The following CRTC1 variants were observed in gnomAD, a reference collection of about 807,000 sequenced individuals.
CRTC1 encodes CREB-regulated transcription coactivator 1.
In CRTC1, 18 loss-of-function variants were observed where a neutral mutation model predicts 66.1. The observed-to-expected ratio is 0.27, with a 90% CI of 0.19 to 0.40. The LOEUF (loss-of-function observed/expected upper bound fraction) is 0.40. Ranked by LOEUF, CRTC1 falls within the 10% of genes least tolerant of loss-of-function variation. CRTC1 has a pLI of 1.00. For synonymous variants in CRTC1, 416 were observed against 398.8 expected (o/e 1.04, Z -0.51); for missense variants, 669 against 887.9 (o/e 0.75, Z 3.13).
intron 8 of CRTC1, among the ~76,000 whole-genome samples, chr19:18,762,299 G>A (rs372534253): frequency 1.3e-5 from 2 of 152,232 alleles, no homozygotes; most frequent in South Asian, 2.1e-4. Context: ...TGGAGCCGGC[G>A]CTGGCCAGAG....
intron 6 of CRTC1, among the ~76,000 whole-genome samples, chr19:18,756,358 C>G (rs891821132): frequency 1.7e-5 from 2 of 117,396 alleles, no homozygotes; most frequent in African/African-American, 6.7e-5. Flanking sequence ...AAAAAAAACT[C>G]TAGGCTGGAC....
chr19:18,692,793 G>A (rs549302462), intron 1 of CRTC1, among the ~76,000 whole-genome samples: 1 of 151,894 alleles, frequency 6.6e-6, no homozygotes, highest in African/African-American at 2.4e-5. Flanking sequence ...TCATTTTTCT[G>A]GGCCGGGCAC....
chr19:18,780,004 T>A lies in CRTC1; in HGVS notation c.*2622T>A, dbSNP rs530647831. 1.1e-4 allele frequency: 25 copies of A among 229,180 alleles called. 1 individual carries two copies. The highest frequency in any genetic ancestry group is 4.9e-4 in the African/African-American group (22 of 45,146). The allele number at this position is 229,180 out of a possible 1,614,324, so 14.2% of individuals were successfully genotyped here. On this transcript the variant is annotated 3_prime_UTR_variant, in exon 14 of 14. Coordinates refer to ENST00000321949, the MANE Select transcript of CRTC1 (RefSeq NM_015321.3). ...TGTGTGTGCGTACGTGTGGTTTTTT[T>A]AAATATCACTACTACATATTCTTGA...
In CRTC1 at chr19:18,779,026, A is replaced by C. The variant is rs552405513; in HGVS notation, c.*1644A>C. Reference sequence around the variant, plus strand: ...TTGGGAGCTGTCCTGGACCCTCCCCATACCACGGGCCCTGCAAGGGAGGCA... The same window carrying C: ...TTGGGAGCTGTCCTGGACCCTCCCCCTACCACGGGCCCTGCAAGGGAGGCA... On this transcript the variant is annotated 3_prime_UTR_variant, in exon 14 of 14. Transcript: ENST00000321949. 8.6e-6 allele frequency: 2 copies of C among 232,342 alleles called. No individual in the cohort carries two copies. The highest frequency in any genetic ancestry group is 4.4e-5 in the African/African-American group (2 of 45,376). The allele number at this position is 232,342 out of a possible 1,614,324, so 14.4% of individuals were successfully genotyped here. A position where few individuals can be genotyped will look rare whatever the true frequency, so the allele number is the denominator to read the frequency against.
intron 6 of CRTC1, among the ~76,000 whole-genome samples, chr19:18,754,380 A>G (rs2054439312): frequency 6.6e-6 from 1 of 152,076 alleles, no homozygotes; most frequent in Admixed American, 6.6e-5. Flanking sequence ...AGGGGTGGTG[A>G]TGTGTACCTG....
intron 10 of CRTC1, among the ~76,000 whole-genome samples, chr19:18,769,442 A>G (rs550683745): frequency 3.2e-4 from 49 of 152,342 alleles, no homozygotes; most frequent in African/African-American, 1.1e-3. Context: ...TCCGGGCACA[A>G]TGAGTCCTCC....
At chr19:18,687,719 T>C (rs2052718191) in intron 1 of CRTC1, among the ~76,000 whole-genome samples, 1 of 152,040 alleles carries the variant, frequency 6.6e-6, no homozygotes, top group South Asian at 2.1e-4. Flanking sequence ...TTGCCGGTGG[T>C]GATGGCACCT....
At chr19:18,698,890 G>A (rs981258938) in intron 1 of CRTC1, among the ~76,000 whole-genome samples, 3 of 151,718 alleles carry the variant, frequency 2.0e-5, no homozygotes, top group African/African-American at 7.3e-5. Context: ...TAGGCGCAGT[G>A]TGTGCTCTGC....
chr19:18,759,507 C>T (rs1555786591), intron 6 of CRTC1, 44 bp from the exon 7 acceptor site: 12 of 1,601,688 alleles, frequency 7.5e-6, no homozygotes, highest in South Asian at 1.1e-5. Context: ...GAGGGCCCCA[C>T]AGGGTGTGCC....
chr19:18,763,849 G>A (rs1323771816), intron 8 of CRTC1, among the ~76,000 whole-genome samples: 5 of 152,146 alleles, frequency 3.3e-5, no homozygotes, highest in African/African-American at 2.4e-5. Flanking sequence ...AGCATCTCTC[G>A]GCCTGCTGGA....
intron 1 of CRTC1, among the ~76,000 whole-genome samples, chr19:18,734,904 C>T (rs1402743505): frequency 6.6e-6 from 1 of 152,170 alleles, no homozygotes; most frequent in African/African-American, 2.4e-5. Flanking sequence ...CAGCAGCTCC[C>T]ACATTCCCTG....
chr19:18,763,744 C>T (rs947959212), intron 8 of CRTC1, among the ~76,000 whole-genome samples: 2 of 152,234 alleles, frequency 1.3e-5, no homozygotes, highest in Non-Finnish European at 2.9e-5. Flanking sequence ...CAGGCCCCAC[C>T]CGCCCCTGTC....
At chr19:18,743,820 C>T (rs369655041) in intron 2 of CRTC1, among the ~76,000 whole-genome samples, 2 of 152,346 alleles carry the variant, frequency 1.3e-5, no homozygotes, top group South Asian at 2.1e-4. Flanking sequence ...ATACAGAGTG[C>T]GGGCCATCAC....
intron 12 of CRTC1, 115 bp downstream of exon 12, chr19:18,775,101 C>T: frequency 9.7e-7 from 1 of 1,030,960 alleles, no homozygotes; most frequent in Non-Finnish European, 1.4e-6. Flanking sequence ...GGGGCCCGTG[C>T]CTGCCCCTCA....
intron 13 of CRTC1, among the ~76,000 whole-genome samples, chr19:18,776,869 G>A (rs140830454): frequency 1.3e-5 from 2 of 152,116 alleles, no homozygotes; most frequent in Non-Finnish European, 2.9e-5. Flanking sequence ...CCCTGCCCTC[G>A]CCAGGTCATG....
intron 9 of CRTC1, among the ~76,000 whole-genome samples, chr19:18,767,738 C>T (rs2054768718): frequency 6.6e-6 from 1 of 152,228 alleles, no homozygotes; most frequent in African/African-American, 2.4e-5. Flanking sequence ...CTTAATCTGA[C>T]ACCTGCCCCT....
intron 13 of CRTC1, among the ~76,000 whole-genome samples, chr19:18,776,307 C>T (rs1370803860): frequency 6.6e-6 from 1 of 152,204 alleles, no homozygotes; most frequent in Non-Finnish European, 1.5e-5. Context: ...GCCTGGGCTC[C>T]TGGGGACAAG....
rs967506883 is a variant in CRTC1, at chr19:18,741,314, G to A, written c.127-1596G>A. On this transcript the variant is annotated intron_variant, in intron 1 of 13. Coordinates refer to ENST00000321949, the MANE Select transcript of CRTC1 (RefSeq NM_015321.3). This position sits in a 1 kb window ranked among gnomAD's most constrained non-coding sequence, Gnocchi z 4.2. ...CTCCTGGGAGCTGGCAGCTCAGCCC[G>A]TGTAGAAAGCACATGTGGCATGAGT... Among the ~76,000 whole-genome samples, 1 of 152,196 alleles carries A rather than the reference G, an allele frequency of 6.6e-6. No individual in the cohort carries two copies. The highest frequency in any genetic ancestry group is 2.4e-5 in the African/African-American group (1 of 41,444).
chr19:18,750,124 TG>T (rs1333226692), intron 5 of CRTC1, among the ~76,000 whole-genome samples: 1 of 152,238 alleles, frequency 6.6e-6, no homozygotes, highest in East Asian at 1.9e-4. Context: ...CTCCCATTCC[TG>T]GATTGAGGGC....
Sources: gnomAD v4.1 joint callset for allele counts (sites outside exome capture counted in the v4.1 genomes callset) on GRCh38, gnomAD v4.1.1 for gene constraint, Gnocchi (gnomAD v3.1) non-coding constraint, MANE v1.5 for transcripts, NCBI Gene and HGNC (gene_info 2026-07-23, HGNC 2026-07-21) for gene names.